MGST1: variants seen among roughly 807,000 people sequenced by gnomAD.
The protein encoded by MGST1 is glutathione S-transferase 12.
Under a neutral mutation model 8.9 loss-of-function variants are expected in MGST1, and 5 were observed. The observed-to-expected ratio is 0.56, with a 90% CI of 0.29 to 1.19. The LOEUF is 1.19. Ranked by LOEUF, MGST1 falls within the 50% of genes most tolerant of loss-of-function variation. The pLI, the probability that MGST1 is intolerant of heterozygous loss-of-function variation, is 0.08. For missense variants in MGST1, 182 were observed against 187.4 expected (o/e 0.97, Z 0.17); for synonymous variants, 54 against 67.8 (o/e 0.80, Z 1.00).
rs938553169 is a variant in MGST1 at position 16,576,007 on chromosome 12, C to A, written n.483-13521C>A. On this transcript the variant is annotated intron_variant and non_coding_transcript_variant, in intron 4 of 4. Transcript: ENST00000538857. This position sits in a 1 kb window ranked among gnomAD's most constrained non-coding sequence, Gnocchi z 4.1. ...TTGAATTTGCCTCCTCTTCTCAGAC[C>A]CCCAAATCTAGCCCTGCCGCTGTGT... is the stretch of plus-strand genomic sequence containing the variant. Among the ~76,000 whole-genome samples the A allele has an allele frequency of 6.9e-6, 1 of 144,950 alleles. No individual in the cohort carries two copies. Among genetic ancestry groups the A allele is most frequent in the Non-Finnish European group, 1.5e-5 (1 of 67,928 alleles).
At chr12:16,414,295 AT>A (rs1940766499) in intron 1 of MGST1, among the ~76,000 whole-genome samples, 3 of 148,014 alleles carry the variant, frequency 2.0e-5, no homozygotes, top group Admixed American at 6.7e-5. Context: ...TAAACCATTT[AT>A]TAAGTTCAAA....
chr12:16,354,132 C>T (rs1939599895), intron 1 of MGST1, 99 bp from the exon 2 acceptor site: 2 of 842,950 alleles, frequency 2.4e-6, no homozygotes. Context: ...TTTTTAAGAA[C>T]AGTATAATTA....
downstream of MGST1, chr12:16,367,204 G>A (rs911426282): frequency 2.0e-5 from 3 of 152,156 alleles, no homozygotes; most frequent in African/African-American, 7.2e-5. Flanking sequence ...GATGGGGGTA[G>A]GTCATGAGAT....
chr12:16,385,277 A>C (rs1243624806), intron 1 of MGST1, among the ~76,000 whole-genome samples: 2 of 152,196 alleles, frequency 1.3e-5, no homozygotes, highest in African/African-American at 4.8e-5. Context: ...TTTGAACTGC[A>C]ATATGAATTC....
At chr12:16,494,662 T>C (rs1010037369) in intron 4 of MGST1, among the ~76,000 whole-genome samples, 3 of 152,154 alleles carry the variant, frequency 2.0e-5, no homozygotes, top group African/African-American at 7.2e-5. Context: ...TGGCTATTAA[T>C]GGGAGCAAGT....
At chr12:16,412,655 G>A (rs1026384334) in intron 1 of MGST1, among the ~76,000 whole-genome samples, 2 of 152,068 alleles carry the variant, frequency 1.3e-5, no homozygotes, top group African/African-American at 2.4e-5. Flanking sequence ...TGTTCTCATG[G>A]TAGTGAATAA....
chr12:16,377,763 CA>C (rs1378956784), downstream of MGST1, among the ~76,000 whole-genome samples: 4 of 152,250 alleles, frequency 2.6e-5, no homozygotes, highest in African/African-American at 9.6e-5. Flanking sequence ...GTCCCACTAA[CA>C]GTGTAAAAGT....
chr12:16,551,318 A>G, intron 4 of MGST1: 3 of 1,595,874 alleles, frequency 1.9e-6, no homozygotes, highest in Non-Finnish European at 2.6e-6. Flanking sequence ...ATTTGTCTCC[A>G]ACACAAAATC....
chr12:16,354,529 A>T (rs1939623222), intron 2 of MGST1, 151 bp downstream of exon 2: 1 of 629,202 alleles, frequency 1.6e-6, no homozygotes, highest in Non-Finnish European at 2.5e-6. Flanking sequence ...GCACAGATGG[A>T]TCTGATGTAT....
rs532491620 is a variant in MGST1 at position 16,585,955 on chromosome 12, C to A, written n.483-3573C>A. On this transcript the variant is annotated intron_variant and non_coding_transcript_variant, in intron 4 of 4. Transcript: ENST00000538857. This position sits in a 1 kb window ranked among gnomAD's most constrained non-coding sequence, Gnocchi z 4.7. Reference sequence around the variant, plus strand: ...TCTGGGCGACATTTCACCAGTGAGGCGGTAGGACATTGTGTGATACAGTAA... The same window carrying A: ...TCTGGGCGACATTTCACCAGTGAGGAGGTAGGACATTGTGTGATACAGTAA... Among the ~76,000 whole-genome samples the A allele has an allele frequency of 2.0e-5, 3 of 152,196 alleles. No homozygotes were observed. The highest frequency in any genetic ancestry group is 1.9e-4 in the East Asian group (1 of 5,170).
At chr12:16,426,776 C>T (rs1373419260) in intron 1 of MGST1, among the ~76,000 whole-genome samples, 1 of 151,734 alleles carries the variant, frequency 6.6e-6, no homozygotes, top group Admixed American at 6.6e-5. Context: ...ACAGTGAAAC[C>T]CCATCTCTAC....
In MGST1 at chr12:16,500,103, A is replaced by G. The variant is rs1213059189; in HGVS notation, n.483-89425A>G. Among the ~76,000 whole-genome samples, 1 of 152,148 alleles carries G rather than the reference A, an allele frequency of 6.6e-6. No homozygotes were observed. Among genetic ancestry groups the G allele is most frequent in the Non-Finnish European group, 1.5e-5 (1 of 68,016 alleles). ...TTTAGATATTTGTCAACAATTAATT[A>G]TTTCTTAAAGATTATACTGTTGCCA... On this transcript the variant is annotated intron_variant and non_coding_transcript_variant, in intron 4 of 4. Coordinates refer to the MGST1 transcript ENST00000538857. This position sits in a 1 kb window ranked among gnomAD's most constrained non-coding sequence, Gnocchi z 4.3.
At chr12:16,496,423 A>G (rs575035129) in intron 4 of MGST1, among the ~76,000 whole-genome samples, 1 of 152,156 alleles carries the variant, frequency 6.6e-6, no homozygotes, top group Non-Finnish European at 1.5e-5. Context: ...CTATAACACA[A>G]TGTCATTTAA....
intron 4 of MGST1, among the ~76,000 whole-genome samples, chr12:16,507,404 T>G (rs931291321): frequency 6.6e-6 from 1 of 152,078 alleles, no homozygotes; most frequent in Non-Finnish European, 1.5e-5. Flanking sequence ...TTATATGGCA[T>G]TTTTGGAAGT....
rs550110961 is a variant in MGST1 at position 16,392,698 on chromosome 12, C to T, written n.778+9094C>T. 3.2e-4 allele frequency among the ~76,000 whole-genome samples: 49 copies of T among 152,076 alleles called. 1 individual carries two copies. The highest frequency in any genetic ancestry group is 3.4e-3 in the Middle Eastern group (1 of 294). ...ATAGTCTTCTAGTCATTTTGGAATA[C>T]GGCCAAGTTATTTTCCTGTCTCTAT... On this transcript the variant is annotated intron_variant and non_coding_transcript_variant, in intron 1 of 1. Coordinates refer to the MGST1 transcript ENST00000359720.
chr12:16,370,447 G>C (rs1458855219), intron 3 of MGST1: 1 of 152,118 alleles, frequency 6.6e-6, no homozygotes, highest in Non-Finnish European at 1.5e-5. Context: ...ATGTAGACCA[G>C]AGAATATTGC....
chr12:16,568,484 C>T (rs1942695865), intron 4 of MGST1, among the ~76,000 whole-genome samples: 1 of 152,128 alleles, frequency 6.6e-6, no homozygotes, highest in South Asian at 2.1e-4. Flanking sequence ...CTGTGCTGAC[C>T]AGCATTTTAG....
At chr12:16,588,195 T>C (rs1026298559) in intron 4 of MGST1, among the ~76,000 whole-genome samples, 5 of 152,020 alleles carry the variant, frequency 3.3e-5, no homozygotes, top group South Asian at 2.1e-4. Flanking sequence ...CCTTTAAACA[T>C]TGTTTTCATA....
At chr12:16,456,230 T>G (rs951087718) in intron 4 of MGST1, among the ~76,000 whole-genome samples, 1 of 151,834 alleles carries the variant, frequency 6.6e-6, no homozygotes. Flanking sequence ...GTGTTCCTAT[T>G]TTTCCCCAAT....
Sources: allele counts gnomAD v4.1 joint callset (sites outside exome capture counted in the v4.1 genomes callset), GRCh38; gene constraint gnomAD v4.1.1; non-coding constraint Gnocchi (gnomAD v3.1); transcripts MANE v1.5; gene names NCBI Gene and HGNC (gene_info 2026-07-23, HGNC 2026-07-21).